The following TMEM178A variants were observed in gnomAD, a reference collection of about 807,000 sequenced individuals.
The protein encoded by TMEM178A is transmembrane protein 178A, also known as transmembrane protein 178.
TMEM178A carries 12 observed loss-of-function variants against 29.1 expected under a neutral mutation model. The observed-to-expected ratio is 0.41, with a 90% CI of 0.26 to 0.67. The LOEUF is 0.67. TMEM178A is among the 30% of genes least tolerant of loss of function. TMEM178A has a pLI of 0.29. For missense variants in TMEM178A, 366 were observed against 419.1 expected (o/e 0.87, Z 1.11); for synonymous variants, 210 against 187.2 (o/e 1.12, Z -0.99).
chr2:39,668,018 G>A (rs908849400), intron 1 of TMEM178A, among the ~76,000 whole-genome samples: 1 of 152,210 alleles, frequency 6.6e-6, no homozygotes, highest in African/African-American at 2.4e-5. Flanking sequence ...TATGCTTAGA[G>A]TATTTGATTG....
intron 1 of TMEM178A, among the ~76,000 whole-genome samples, chr2:39,687,703 A>G (rs1447783447): frequency 6.6e-6 from 1 of 152,222 alleles, no homozygotes; most frequent in African/African-American, 2.4e-5. Context: ...AGAAGGCAGC[A>G]TCAAGGTATC....
intron 1 of TMEM178A, among the ~76,000 whole-genome samples, chr2:39,692,544 C>CT (rs1013546143): frequency 2.6e-4 from 40 of 151,514 alleles, no homozygotes; most frequent in Non-Finnish European, 7.4e-5. Context: ...TAGTTGGCTA[C>CT]TTTTTTTTTC....
chr2:39,725,538 A>G, the TMEM178A span, among the ~76,000 whole-genome samples: 1 of 152,030 alleles, frequency 6.6e-6, no homozygotes, highest in African/African-American at 2.4e-5. Context: ...AATGCGGGGG[A>G]AACTTGGTTC....
chr2:39,733,933 C>G, the TMEM178A span, among the ~76,000 whole-genome samples: 2 of 152,284 alleles, frequency 1.3e-5, no homozygotes, highest in African/African-American at 4.8e-5. Flanking sequence ...GGACGTCGCT[C>G]TAGCACTTAG....
intron 1 of TMEM178A, among the ~76,000 whole-genome samples, 200 bp downstream of exon 1, chr2:39,666,574 C>G (rs1670171487): frequency 6.6e-6 from 1 of 152,122 alleles, no homozygotes; most frequent in African/African-American, 2.4e-5. Context: ...CTCTCCTTGA[C>G]TCTCTTCTTT....
At position 39,717,283 on chromosome 2, in the gene TMEM178A, C is replaced by T. The variant is rs142536971; in HGVS notation, c.*32C>T. ...TCACTGGGCCTGTCCACAGTGCGAG[C>T]GACTCCTGAGGGGAACAGCGCGGAG... is the stretch of plus-strand genomic sequence containing the variant. On this transcript the variant is annotated 3_prime_UTR_variant, in exon 4 of 4. Transcript: ENST00000281961. 9.4e-4 allele frequency: 1,503 copies of T among 1,605,692 alleles called. 21 individuals carry two copies. In the African/African-American group the frequency reaches 0.018, roughly 19 times the overall value.
intron 3 of TMEM178A, among the ~76,000 whole-genome samples, chr2:39,710,243 T>C (rs1055028412): frequency 6.6e-6 from 1 of 152,216 alleles, no homozygotes; most frequent in Non-Finnish European, 1.5e-5. Context: ...AACTTGAAGT[T>C]TGATGACCAG....
Position 39,683,711 on chromosome 2 carries a change from G to A in TMEM178A, c.400+17337G>A, listed in dbSNP as rs191550301. Among the ~76,000 whole-genome samples, 102 of 152,322 alleles carry A rather than the reference G, an allele frequency of 6.7e-4. 1 individual carries two copies. Among genetic ancestry groups the A allele is most frequent in the Non-Finnish European group, 1.2e-4 (8 of 68,024 alleles). On this transcript the variant is annotated intron_variant, in intron 1 of 3. Coordinates refer to ENST00000281961, the MANE Select transcript of TMEM178A (RefSeq NM_152390.3). ...CACTGCAGTTAAGTATGCCACAATC[G>A]TGTACCACTTGCATTAGCTTTTCCC...
chr2:39,673,158 G>C (rs1205901245), intron 1 of TMEM178A, among the ~76,000 whole-genome samples: 8 of 152,138 alleles, frequency 5.3e-5, no homozygotes, highest in Admixed American at 5.2e-4. Flanking sequence ...ATCTCTTCAT[G>C]CCCTGAGCCT....
At chr2:39,721,474 T>TA (rs1672700800), downstream of TMEM178A, among the ~76,000 whole-genome samples, 1 of 152,148 alleles carries the variant, frequency 6.6e-6, no homozygotes, top group Non-Finnish European at 1.5e-5. Flanking sequence ...TACTATAAGG[T>TA]CTGGCTATGC....
chr2:39,690,075 A>T (rs62137316), intron 1 of TMEM178A, among the ~76,000 whole-genome samples: 2,221 of 152,250 alleles, frequency 0.015, 16 homozygotes, highest in East Asian at 0.025. Flanking sequence ...CCACCCCTAG[A>T]TCACTAAGGG....
chr2:39,714,984 A>G (rs1672474073), intron 3 of TMEM178A, among the ~76,000 whole-genome samples: 1 of 152,234 alleles, frequency 6.6e-6, no homozygotes, highest in East Asian at 1.9e-4. Flanking sequence ...TAGGGACTTC[A>G]GTAATCAAGT....
At chr2:39,698,283 A>G (rs1304126797) in intron 1 of TMEM178A, among the ~76,000 whole-genome samples, 1 of 152,232 alleles carries the variant, frequency 6.6e-6, no homozygotes, top group Non-Finnish European at 1.5e-5. Flanking sequence ...CAGGCTAGTT[A>G]CTTAACTCTC....
intron 2 of TMEM178A, among the ~76,000 whole-genome samples, chr2:39,706,607 G>A (rs1367671782): frequency 6.7e-6 from 1 of 148,352 alleles, no homozygotes; most frequent in African/African-American, 2.5e-5. Context: ...CCACTACCAG[G>A]GTAGTAACCT....
At chr2:39,723,491 C>T in the TMEM178A span, among the ~76,000 whole-genome samples, 72 of 152,258 alleles carry the variant, frequency 4.7e-4, no homozygotes, top group African/African-American at 1.5e-3. Context: ...TTATTGTTAA[C>T]TTTTAGGTCT....
At position 39,666,074 on chromosome 2, in the gene TMEM178A, A is replaced by G; in HGVS notation, c.100A>G (p.Thr34Ala). Reference protein sequence around the residue: ...TAIFTDHWYETDPRRHKESCE... With the variant: ...TAIFTDHWYEADPRRHKESCE... ...CATCTTCACCGACCACTGGTACGAG[A>G]CCGACCCCCGGCGCCACAAGGAGAG... is the stretch of plus-strand genomic sequence containing the variant. Residue 34 changes from threonine (T) to alanine (A), a missense_variant, in exon 1 of 4, where the codon ACC (threonine) becomes GCC (alanine). Physicochemically the swap from Thr to Ala is moderately conservative, Grantham distance 58. Transcript: ENST00000281961. 6.4e-7 allele frequency: 1 copy of G among 1,569,682 alleles called. No individual in the cohort carries two copies. Among genetic ancestry groups the G allele is most frequent in the East Asian group, 2.6e-5 (1 of 39,040 alleles).
At chr2:39,705,672 G>A (rs774325222) in intron 2 of TMEM178A, among the ~76,000 whole-genome samples, 7 of 152,308 alleles carry the variant, frequency 4.6e-5, no homozygotes, top group Admixed American at 1.3e-4. Flanking sequence ...CTGTGGCTAA[G>A]GTGCTAAGAG....
chr2:39,675,470 C>T (rs538017153), intron 1 of TMEM178A, among the ~76,000 whole-genome samples: 9 of 152,214 alleles, frequency 5.9e-5, no homozygotes, highest in African/African-American at 2.2e-4. Context: ...GGTCTGAGAG[C>T]CACTGAGAGG....
chr2:39,704,651 G>T (rs1179162449), intron 2 of TMEM178A, among the ~76,000 whole-genome samples: 3 of 152,080 alleles, frequency 2.0e-5, no homozygotes, highest in Admixed American at 6.6e-5. Context: ...TTCTCAGAGG[G>T]TGTCTACATC....
Sources: allele counts gnomAD v4.1 joint callset (sites outside exome capture counted in the v4.1 genomes callset), GRCh38; gene constraint gnomAD v4.1.1; transcripts MANE v1.5; gene names NCBI Gene and HGNC (gene_info 2026-07-23, HGNC 2026-07-21).